Variants in LRRC37A3 observed in about 807,000 individuals in gnomAD.
LRRC37A3 encodes leucine rich repeat containing 37 member A3, also known as leucine-rich repeat-containing protein 37A3.
A neutral mutation model predicts 106.2 loss-of-function variants in LRRC37A3; 25 were observed. The ratio of observed to expected loss-of-function variants is 0.24; its 90% CI spans 0.17 to 0.33. The LOEUF is 0.33. LRRC37A3 is among the 10% of genes least tolerant of loss of function. The pLI is 1.00. For synonymous variants in LRRC37A3, 305 were observed against 635.8 expected, an observed-to-expected ratio of 0.48 and a Z score of 7.83; for missense variants, 712 against 1,644.9, an observed-to-expected ratio of 0.43 and a Z score of 9.81.
At chr17:64,918,201 CTT>C (rs1258390171) in intron 2 of LRRC37A3, among the ~76,000 whole-genome samples, 14 of 149,676 alleles carry the variant, frequency 9.4e-5, no homozygotes, top group African/African-American at 3.0e-4. Flanking sequence ...AAAAAAAAAA[CTT>C]AAACAGAAAA....
At chr17:64,857,845 G>T (rs1972732956) in intron 13 of LRRC37A3, among the ~76,000 whole-genome samples, 1 of 152,192 alleles carries the variant, frequency 6.6e-6, no homozygotes, top group Non-Finnish European at 1.5e-5. Flanking sequence ...GTGAGGGGCT[G>T]CTGTGGCTGG....
rs1270988578 is a variant in LRRC37A3, at chr17:64,860,776, A to G, written c.3370T>C (p.Leu1124=). The change falls in exon 12 of 15, where the codon TTA becomes CTA. Residue 1124 remains leucine (L), a synonymous_variant. Transcript: ENST00000584306. ...AGGTTAACGGCTGAGAAATAAGGTAAGATGTAACTTAGTGTACTGGTAACA... is the reference window on the plus strand; with the variant it reads ...AGGTTAACGGCTGAGAAATAAGGTAGGATGTAACTTAGTGTACTGGTAACA... ...SDVTSTLSYI[L]PYFSAVNLDV... is the part of the protein sequence containing the mutation. 2 of 1,614,180 alleles carry G rather than the reference A, an allele frequency of 1.2e-6. No individual in the cohort carries two copies.
At chr17:64,916,665 T>A (rs1481321388) in intron 2 of LRRC37A3, among the ~76,000 whole-genome samples, 2 of 143,792 alleles carry the variant, frequency 1.4e-5, no homozygotes, top group African/African-American at 5.3e-5. Context: ...GCACTTGCAA[T>A]CCCAGTTACT....
chr17:64,866,622 ATATATATTTTTT>A (rs1189707716), intron 10 of LRRC37A3, among the ~76,000 whole-genome samples: 10 of 24,510 alleles, frequency 4.1e-4, no homozygotes, highest in African/African-American at 2.0e-3. Flanking sequence ...ATATATATAT[ATATATATTTTTT>A]TTTTTTTTTT....
chr17:64,860,523 C>A lies in LRRC37A3; in HGVS notation c.3623G>T (p.Ser1208Ile), dbSNP rs1972832625. 1 of 1,612,740 alleles carries A rather than the reference C, an allele frequency of 6.2e-7. No homozygotes were observed. The highest frequency in any genetic ancestry group is 2.2e-5 in the East Asian group (1 of 44,896). The change falls in exon 12 of 15, where the codon AGT becomes ATT. Residue 1208 changes from serine (S) to isoleucine (I), a missense_variant. Physicochemically the swap from Ser to Ile is moderately radical, Grantham distance 142. Transcript: ENST00000584306. ...CTGTTTCAGCTCCCTTGGGGCTGGACTTCCGAGCCTTTTTTCTTCGGCAGT... is the reference window on the plus strand; with the variant it reads ...CTGTTTCAGCTCCCTTGGGGCTGGAATTCCGAGCCTTTTTTCTTCGGCAGT... ...ENTAEEKRLGSPAPRELKQPH... is the reference protein window; with the variant it reads ...ENTAEEKRLGIPAPRELKQPH...
At chr17:64,854,942 G>A (rs1377065004) in intron 14 of LRRC37A3, among the ~76,000 whole-genome samples, 1 of 152,152 alleles carries the variant, frequency 6.6e-6, no homozygotes, top group Non-Finnish European at 1.5e-5. Flanking sequence ...GCTTCAAGCA[G>A]TTCTCCTGCC....
intron 8 of LRRC37A3, among the ~76,000 whole-genome samples, chr17:64,878,927 A>T (rs1973599955): frequency 6.6e-6 from 1 of 152,236 alleles, no homozygotes; most frequent in Admixed American, 6.5e-5. Context: ...AAACAACCAC[A>T]TGTCCACTAA....
At chr17:64,874,501 C>T (rs1188520065) in intron 8 of LRRC37A3, among the ~76,000 whole-genome samples, 4 of 151,804 alleles carry the variant, frequency 2.6e-5, no homozygotes, top group Admixed American at 6.6e-5. Flanking sequence ...GCCCGGCCAG[C>T]CGCCCCGTCC....
At chr17:64,872,019 C>A (rs2143455779) in intron 8 of LRRC37A3, among the ~76,000 whole-genome samples, 1 of 150,912 alleles carries the variant, frequency 6.6e-6, no homozygotes, top group South Asian at 2.1e-4. Context: ...GTAGTCCCAG[C>A]TACTCGGGAG....
At chr17:64,874,535 C>T (rs1288015884) in intron 8 of LRRC37A3, among the ~76,000 whole-genome samples, 4 of 149,244 alleles carry the variant, frequency 2.7e-5, no homozygotes, top group African/African-American at 2.5e-5. Context: ...TGCCTCTGCC[C>T]GGCTGCCCCT....
chr17:64,865,426 G>A (rs901396448), intron 10 of LRRC37A3, among the ~76,000 whole-genome samples: 9 of 152,308 alleles, frequency 5.9e-5, no homozygotes, highest in African/African-American at 2.2e-4. Context: ...TTACAGGCAT[G>A]AGCCCAAAAT....
In LRRC37A3 at chr17:64,866,628, A is replaced by ATTTT. The variant is rs1183521580; in HGVS notation, c.3053+1830_3053+1833dup. 2.2e-3 allele frequency among the ~76,000 whole-genome samples: 40 copies of ATTTT among 17,872 alleles called. 6 individuals carry two copies. Among genetic ancestry groups the ATTTT allele is most frequent in the Non-Finnish European group, 2.8e-3 (32 of 11,584 alleles). The allele number at this position is 17,872 out of a possible 152,430, so 11.7% of individuals were successfully genotyped here. Reference sequence around the variant, plus strand: ...TATATATATATATATATATATATATATTTTTTTTTTTTTTTTTTTTTAGAC... The same window carrying ATTTT: ...TATATATATATATATATATATATATATTTTTTTTTTTTTTTTTTTTTTTTTAGAC... On this transcript the variant is annotated intron_variant, in intron 10 of 14. Transcript: ENST00000584306.
In LRRC37A3 at chr17:64,896,681, C is replaced by T. The variant is rs369609994; in HGVS notation, c.577G>A (p.Gly193Ser). ...EYSSTDTPYP[G>S]SLPPELRVKS... ...ACCCGGAGTTCTGGAGGCAGGCTAC[C>T]GGGATACGGTGTATCTGTACTGGAA... The change falls in exon 4 of 15, where the codon GGT becomes AGT. Residue 193 changes from glycine (G) to serine (S), a missense_variant. By Grantham distance (56) the Gly-to-Ser change is moderately conservative (BLOSUM62 0). Coordinates refer to ENST00000584306, the MANE Select transcript of LRRC37A3 (RefSeq NM_199340.5). 4.8e-5 allele frequency: 76 copies of T among 1,595,246 alleles called. No homozygotes were observed. In the East Asian group the frequency reaches 5.6e-4, roughly 12 times the overall value.
At chr17:64,862,769 T>C (rs2143394009) in intron 11 of LRRC37A3, 131 bp downstream of exon 11, 1 of 1,214,474 alleles carries the variant, frequency 8.2e-7, no homozygotes, top group Middle Eastern at 2.8e-4. Flanking sequence ...ATTGAGGGAG[T>C]TTAACTCTGA....
At chr17:64,913,045 C>G (rs1974625136) in intron 2 of LRRC37A3, among the ~76,000 whole-genome samples, 1 of 150,266 alleles carries the variant, frequency 6.7e-6, no homozygotes. Flanking sequence ...TTTTTTTCCC[C>G]CGAGATGGAG....
intron 8 of LRRC37A3, among the ~76,000 whole-genome samples, chr17:64,872,567 A>C (rs1973358872): frequency 6.6e-6 from 1 of 152,212 alleles, no homozygotes; most frequent in Non-Finnish European, 1.5e-5. Flanking sequence ...GCCTCTCCAC[A>C]GAGGGTGTTT....
chr17:64,870,884 C>T (rs1201338991), intron 8 of LRRC37A3, among the ~76,000 whole-genome samples: 1 of 151,764 alleles, frequency 6.6e-6, no homozygotes, highest in Non-Finnish European at 1.5e-5. Context: ...CTCCCCTCCC[C>T]ACCCAAACAG....
chr17:64,877,229 T>C (rs541780786), intron 8 of LRRC37A3, among the ~76,000 whole-genome samples: 7 of 151,950 alleles, frequency 4.6e-5, no homozygotes, highest in African/African-American at 1.2e-4. Flanking sequence ...TCCATTGGAG[T>C]CTCACTCTGT....
Position 64,859,869 on chromosome 17 carries a change from T to G in LRRC37A3, c.4277A>C (p.Asp1426Ala), listed in dbSNP as rs1217127802. The change falls in exon 12 of 15, where the codon GAT (aspartate) becomes GCT (alanine). Residue 1426 changes from aspartate to alanine, a missense_variant. Asp to Ala is a moderately radical substitution (Grantham distance 126). Coordinates refer to ENST00000584306, the MANE Select transcript of LRRC37A3 (RefSeq NM_199340.5). ...TAAGTTGAATGCAGTCCCAGCGGAA[T>G]CTGCCTCAGGAGGATGATTGTAGTT... ...NTNYNHPPEA[D>A]SAGTAFNLGP... is the part of the protein sequence containing the mutation. 6.2e-7 allele frequency: 1 copy of G among 1,613,096 alleles called. No individual in the cohort carries two copies. Among genetic ancestry groups the G allele is most frequent in the Non-Finnish European group, 8.5e-7 (1 of 1,179,850 alleles).
Sources: allele counts gnomAD v4.1 joint callset (sites outside exome capture counted in the v4.1 genomes callset), GRCh38; gene constraint gnomAD v4.1.1; transcripts MANE v1.5; gene names NCBI Gene and HGNC (gene_info 2026-07-23, HGNC 2026-07-21).